NEXMIF: variants seen among roughly 807,000 people sequenced by gnomAD.
NEXMIF encodes XLMR protein related to neurite extension.
In NEXMIF, 8 loss-of-function variants were observed where a neutral mutation model predicts 62.1. The ratio of observed to expected loss-of-function variants is 0.13; its 90% CI spans 0.08 to 0.23. NEXMIF has a LOEUF of 0.23. NEXMIF is among the 10% of genes least tolerant of loss of function. The pLI is 1.00. For synonymous variants in NEXMIF, 404 were observed against 416.6 expected, an observed-to-expected ratio of 0.97 and a Z score of 0.37; for missense variants, 976 against 1,113.3, an observed-to-expected ratio of 0.88 and a Z score of 1.75.
intron 1 of NEXMIF, among the ~76,000 whole-genome samples, chrX:74,878,518 C>T (rs1266049322): frequency 8.9e-6 from 1 of 112,777 alleles, no homozygotes; most frequent in African/African-American, 3.2e-5. Context: ...GGTCTCCACC[C>T]AGTTCAAGCT....
At chrX:74,888,443 C>G (rs893169096) in intron 1 of NEXMIF, among the ~76,000 whole-genome samples, 1 of 109,299 alleles carries the variant, frequency 9.1e-6, no homozygotes, top group Non-Finnish European at 1.9e-5. Flanking sequence ...AACACAGGAA[C>G]AGAAAACCAA....
At chrX:74,921,512 CTTTGTT>C (rs755588846) in intron 1 of NEXMIF, among the ~76,000 whole-genome samples, 12 of 111,786 alleles carry the variant, frequency 1.1e-4, no homozygotes, top group South Asian at 3.7e-4. Context: ...GTCTGGTGCT[CTTTGTT>C]TTTGTTTTTG....
At chrX:74,900,068 G>A (rs1214400314) in intron 1 of NEXMIF, among the ~76,000 whole-genome samples, 1 of 111,515 alleles carries the variant, frequency 9.0e-6, no homozygotes, top group African/African-American at 3.3e-5. Context: ...TATATGAATG[G>A]CAAATAAGCA....
At chrX:74,821,067 A>G (rs887145747) in intron 1 of NEXMIF, among the ~76,000 whole-genome samples, 3 of 110,882 alleles carry the variant, frequency 2.7e-5, no homozygotes, top group African/African-American at 9.8e-5. Context: ...TTTTTTGCAG[A>G]GAGAGTCTCA....
chrX:74,736,208 T>G lies in NEXMIF; in HGVS notation c.*3197A>C, dbSNP rs777634979. On this transcript the variant is annotated 3_prime_UTR_variant, in exon 4 of 4. Coordinates refer to ENST00000055682, the MANE Select transcript of NEXMIF (RefSeq NM_001008537.3). ...AAAAAATTTAATTAAAAAATTAGATTTGAAAATAGCCAAAGCAATTAAAGG... is the reference window on the plus strand; with the variant it reads ...AAAAAATTTAATTAAAAAATTAGATGTGAAAATAGCCAAAGCAATTAAAGG... 1.9e-4 allele frequency: 21 copies of G among 111,398 alleles called. No individual in the cohort carries two copies. Among genetic ancestry groups the G allele is most frequent in the Non-Finnish European group, 3.4e-4 (18 of 53,082 alleles). 9.2% of individuals were successfully genotyped at this position (111,398 alleles called of 1,213,427 possible). A position where few individuals can be genotyped will look rare whatever the true frequency, so the allele number is the denominator to read the frequency against.
intron 1 of NEXMIF, among the ~76,000 whole-genome samples, chrX:74,803,763 G>GA (rs34025894): frequency 4.3e-4 from 45 of 103,834 alleles, no homozygotes; most frequent in African/African-American, 1.3e-3. Flanking sequence ...AGTGCTGAAG[G>GA]AAAAAAAAAA....
chrX:74,799,617 T>C (rs1339953316), intron 1 of NEXMIF, among the ~76,000 whole-genome samples: 1 of 111,278 alleles, frequency 9.0e-6, no homozygotes, highest in Non-Finnish European at 1.9e-5. Flanking sequence ...TAATGAACTC[T>C]CAAAACAAGT....
chrX:74,741,594 C>T lies in NEXMIF; in HGVS notation c.2963G>A (p.Gly988Asp). 8.3e-7 allele frequency: 1 copy of T among 1,211,678 alleles called. No individual in the cohort carries two copies. Among genetic ancestry groups the T allele is most frequent in the African/African-American group, 1.7e-5 (1 of 57,832 alleles). ...FQQGPVNMDDGRLFSFDSMAP... is the reference protein window; with the variant it reads ...FQQGPVNMDDDRLFSFDSMAP... ...CATTGAATCAAAGCTAAAGAGCCGA[C>T]CATCATCCATATTGACTGGCCCCTG... The change falls in exon 3 of 4, where the codon GGT becomes GAT. Residue 988 changes from glycine to aspartate, a missense_variant. Gly to Asp is a moderately conservative substitution (Grantham distance 94). This residue lies in a region of NEXMIF where 639 missense variants were observed against 694.5 expected (regional missense o/e 0.92). Transcript: ENST00000055682.
At chrX:74,765,247 C>G (rs776768799) in intron 1 of NEXMIF, among the ~76,000 whole-genome samples, 16 of 111,847 alleles carry the variant, frequency 1.4e-4, no homozygotes, top group Middle Eastern at 4.6e-3. Flanking sequence ...AGGACTGCAA[C>G]CCCTGCATTT....
intron 1 of NEXMIF, among the ~76,000 whole-genome samples, chrX:74,849,459 T>C (rs776471763): frequency 4.2e-4 from 47 of 112,140 alleles, no homozygotes; most frequent in Non-Finnish European, 7.7e-4. Context: ...AACATAGGGA[T>C]CTGCCTGGAG....
chrX:74,868,167 A>G lies in NEXMIF; in HGVS notation c.-48+56716T>C, dbSNP rs748789756. On this transcript the variant is annotated intron_variant, in intron 1 of 3. Transcript: ENST00000055682. ...TGTGCAGAAATAGGAACACTTTCACACTGTTGGTGGGAATGTAAATTAGTT... is the reference window on the plus strand; with the variant it reads ...TGTGCAGAAATAGGAACACTTTCACGCTGTTGGTGGGAATGTAAATTAGTT... 1.4e-4 allele frequency among the ~76,000 whole-genome samples: 16 copies of G among 112,380 alleles called. 1 individual carries two copies. In the South Asian group the frequency reaches 6.0e-3, roughly 42 times the overall value.
intron 1 of NEXMIF, among the ~76,000 whole-genome samples, chrX:74,904,901 A>G (rs2080761885): frequency 9.0e-6 from 1 of 111,061 alleles, no homozygotes; most frequent in Admixed American, 9.7e-5. Context: ...GAGACTTCCA[A>G]TTTTGCTCTT....
At chrX:74,920,012 A>T (rs993190180) in intron 1 of NEXMIF, among the ~76,000 whole-genome samples, 5 of 111,628 alleles carry the variant, frequency 4.5e-5, no homozygotes, top group African/African-American at 1.6e-4. Context: ...CATTTTCTTA[A>T]TCCAGTCTAT....
chrX:74,745,080 C>T (rs2080122456), intron 2 of NEXMIF, among the ~76,000 whole-genome samples: 1 of 109,780 alleles, frequency 9.1e-6, no homozygotes, highest in African/African-American at 3.3e-5. Context: ...CTCCTGGGTT[C>T]AAGTGATTCT....
chrX:74,889,777 C>G (rs147239282), intron 1 of NEXMIF, among the ~76,000 whole-genome samples: 1 of 111,287 alleles, frequency 9.0e-6, no homozygotes, highest in South Asian at 3.9e-4. Flanking sequence ...GTCTGTTGTG[C>G]ACTGAGATAT....
intron 1 of NEXMIF, among the ~76,000 whole-genome samples, chrX:74,828,946 A>G (rs974766795): frequency 1.8e-5 from 2 of 112,041 alleles, no homozygotes; most frequent in African/African-American, 6.5e-5. Flanking sequence ...CAACACCTGC[A>G]CATGCTGGGA....
intron 3 of NEXMIF, 50 bp from the exon 4 acceptor site, chrX:74,739,548 G>A: frequency 2.6e-6 from 2 of 783,176 alleles, no homozygotes; most frequent in Non-Finnish European, 3.8e-6. Flanking sequence ...TTTAGTGTAT[G>A]TCCCACAAAG....
intron 1 of NEXMIF, among the ~76,000 whole-genome samples, chrX:74,812,942 T>C (rs1252608780): frequency 9.0e-6 from 1 of 111,670 alleles, no homozygotes; most frequent in Non-Finnish European, 1.9e-5. Flanking sequence ...AAACCTGCTG[T>C]AGTGAAAAAA....
intron 1 of NEXMIF, among the ~76,000 whole-genome samples, chrX:74,776,590 G>GA (rs1369546083): frequency 9.1e-6 from 1 of 109,403 alleles, no homozygotes; most frequent in African/African-American, 3.3e-5. Flanking sequence ...ACCTGGGCGT[G>GA]GTGGCGGGCA....
Sources: gnomAD v4.1 joint callset for allele counts (sites outside exome capture counted in the v4.1 genomes callset) on GRCh38, gnomAD v4.1.1 for gene constraint, gnomAD v4.1.1 regional missense constraint, MANE v1.5 for transcripts, NCBI Gene and HGNC (gene_info 2026-07-23, HGNC 2026-07-21) for gene names.